Variants in MYOM2 observed in about 807,000 individuals in gnomAD.
MYOM2 encodes the protein myomesin 2.
MYOM2 carries 254 observed loss-of-function variants against 187.6 expected under a neutral mutation model. The observed-to-expected ratio is 1.35, with a 90% confidence interval of 1.22 to 1.50. MYOM2 has a LOEUF of 1.50. Among genes scored for constraint, MYOM2 ranks in the 40% most tolerant of loss-of-function variants. MYOM2 has a pLI of 0.00. For synonymous variants in MYOM2, 981 were observed against 753.8 expected (o/e 1.30, Z -4.94); for missense variants, 2,796 against 1,924.0 (o/e 1.45, Z -8.48).
intron 8 of MYOM2, among the ~76,000 whole-genome samples, chr8:2,071,141 CTTTATTTTTTTATT>C (rs1343509396): frequency 2.0e-5 from 3 of 151,380 alleles, no homozygotes; most frequent in Non-Finnish European, 4.4e-5. Flanking sequence ...CTCGTTTTTT[CTTTATTTTTTTATT>C]TTTATTTTTT....
chr8:2,093,779 C>T (rs757290761), intron 16 of MYOM2, among the ~76,000 whole-genome samples, 191 bp from the exon 17 acceptor site: 1 of 152,200 alleles, frequency 6.6e-6, no homozygotes, highest in Non-Finnish European at 1.5e-5. Context: ...GTAGTCAGCT[C>T]CTGCTATAAT....
In MYOM2 at chr8:2,102,723, A is replaced by G. The variant is rs148050154; in HGVS notation, c.2676A>G (p.Ala892=). The change falls in exon 21 of 37, where the codon GCA becomes GCG. Residue 892 remains alanine (A), a synonymous_variant. Transcript: ENST00000262113. ...TCTTCAGGGTCCGGGCAGTCAATGC[A>G]AATGGCGTGGGGAAGCCCTCAGACA... is the stretch of plus-strand genomic sequence containing the variant. ...TYVFRVRAVN[A]NGVGKPSDTS... 7 of 1,614,158 alleles carry G rather than the reference A, an allele frequency of 4.3e-6. No homozygotes were observed. The Middle Eastern group carries it at 4.9e-4, about 114-fold the overall frequency.
intron 6 of MYOM2, among the ~76,000 whole-genome samples, chr8:2,060,533 G>A (rs1271282612): frequency 6.6e-6 from 1 of 152,066 alleles, no homozygotes; most frequent in Non-Finnish European, 1.5e-5. Flanking sequence ...AAAAATAAGT[G>A]AGACATTGGA....
At chr8:2,092,945 C>G (rs973488996) in intron 16 of MYOM2, among the ~76,000 whole-genome samples, 4 of 152,134 alleles carry the variant, frequency 2.6e-5, no homozygotes, top group Non-Finnish European at 5.9e-5. Context: ...CCCCACCGGG[C>G]GCCGACTCTT....
intron 32 of MYOM2, among the ~76,000 whole-genome samples, chr8:2,134,577 G>GGGT (rs202125028): frequency 0.13 from 19,782 of 152,114 alleles, 2,175 homozygotes; most frequent in African/African-American, 0.28. Flanking sequence ...CTGAGGGGCT[G>GGGT]AAGTTCCCTT....
intron 24 of MYOM2, 68 bp downstream of exon 24, chr8:2,108,898 A>T (rs1796979133): frequency 6.7e-7 from 1 of 1,488,566 alleles, no homozygotes; most frequent in African/African-American, 1.4e-5. Context: ...TCATTAATGC[A>T]TGAGCTCTTG....
intron 30 of MYOM2, among the ~76,000 whole-genome samples, 176 bp from the exon 31 acceptor site, chr8:2,124,003 T>C (rs1358796227): frequency 1.3e-5 from 2 of 152,158 alleles, no homozygotes; most frequent in African/African-American, 4.8e-5. Flanking sequence ...TAAAAGTGAA[T>C]AGGTTAGAAG....
rs749149577 is a variant in MYOM2, at chr8:2,073,237, G to A, written c.959-102G>A. 1.7e-5 allele frequency: 22 copies of A among 1,316,330 alleles called. No individual in the cohort carries two copies. The South Asian group carries it at 2.1e-4, about 12-fold the overall frequency. The allele number at this position is 1,316,330 out of a possible 1,614,324, so 81.5% of individuals were successfully genotyped here. A position where few individuals can be genotyped will look rare whatever the true frequency, so the allele number is the denominator to read the frequency against. The stretch of plus-strand genomic sequence containing the variant: ...CTCTGCCTTCCGTGGTGTCCAGCTC[G>A]ACTGTCCTGTCCCGCTCTGAGACGA... On this transcript the variant is annotated intron_variant, in intron 9 of 36. Coordinates refer to ENST00000262113, the MANE Select transcript of MYOM2 (RefSeq NM_003970.4).
chr8:2,133,880 G>A (rs1387097155), intron 32 of MYOM2, among the ~76,000 whole-genome samples: 1 of 151,686 alleles, frequency 6.6e-6, no homozygotes, highest in East Asian at 1.9e-4. Flanking sequence ...ATCGTTCACT[G>A]TGAAATAATT....
chr8:2,115,531 G>C (rs1298839740), intron 25 of MYOM2, among the ~76,000 whole-genome samples: 1 of 152,248 alleles, frequency 6.6e-6, no homozygotes, highest in African/African-American at 2.4e-5. Context: ...TGTGGGTGCT[G>C]TGTCCCGGGA....
At chr8:2,105,487 G>T (rs1796859374) in intron 21 of MYOM2, among the ~76,000 whole-genome samples, 1 of 152,130 alleles carries the variant, frequency 6.6e-6, no homozygotes, top group African/African-American at 2.4e-5. Flanking sequence ...ACAAGGCAAG[G>T]CCCCATGGAG....
intron 13 of MYOM2, among the ~76,000 whole-genome samples, chr8:2,083,322 G>A (rs1288938854): frequency 6.6e-6 from 1 of 152,178 alleles, no homozygotes; most frequent in East Asian, 1.9e-4. Context: ...GTGTTTAGCA[G>A]TGTCTCACGT....
At chr8:2,127,683 C>CGCTG (rs1797700949) in intron 31 of MYOM2, 8 of 48,562 alleles carry the variant, frequency 1.6e-4, no homozygotes, top group East Asian at 1.2e-3. Context: ...GTGACGCAGC[C>CGCTG]GCAGGCAGGC....
intron 11 of MYOM2, among the ~76,000 whole-genome samples, chr8:2,077,488 C>G (rs776750257): frequency 6.6e-6 from 1 of 152,134 alleles, no homozygotes; most frequent in Non-Finnish European, 1.5e-5. Context: ...ATTAAATTCT[C>G]TTTTCTCTTC....
chr8:2,144,830 A>G lies in MYOM2; in HGVS notation c.4247A>G (p.Tyr1416Cys). 3 of 1,614,194 alleles carry G rather than the reference A, an allele frequency of 1.9e-6. No individual in the cohort carries two copies. The highest frequency in any genetic ancestry group is 2.5e-6 in the Non-Finnish European group (3 of 1,180,036). ...GTGACCTCCGAGGACTCGGGCAAGT[A>G]CAGCATCAACATCAAGAATAAGTAT... is the stretch of plus-strand genomic sequence containing the variant. ...KGVTSEDSGKYSINIKNKYGG... is the reference protein window; with the variant it reads ...KGVTSEDSGKCSINIKNKYGG... Residue 1416 changes from tyrosine to cysteine, a missense_variant, in exon 37 of 37, where the codon TAC becomes TGC. Tyr to Cys is a radical substitution (Grantham distance 194). Coordinates refer to ENST00000262113, the MANE Select transcript of MYOM2 (RefSeq NM_003970.4).
At chr8:2,112,003 C>T (rs1057331925) in intron 25 of MYOM2, among the ~76,000 whole-genome samples, 1 of 152,196 alleles carries the variant, frequency 6.6e-6, no homozygotes, top group East Asian at 1.9e-4. Context: ...ACTTTATTCA[C>T]ACGTAAACCC....
intron 31 of MYOM2, among the ~76,000 whole-genome samples, chr8:2,126,245 A>T (rs1480040998): frequency 6.6e-6 from 1 of 152,140 alleles, no homozygotes. Flanking sequence ...CAGGCCCAGA[A>T]CTTCCCATAT....
At chr8:2,111,661 C>G (rs529683235) in intron 25 of MYOM2, among the ~76,000 whole-genome samples, 1 of 152,318 alleles carries the variant, frequency 6.6e-6, no homozygotes, top group South Asian at 2.1e-4. Context: ...AATCTCAGGT[C>G]CCTCTCCTGC....
intron 36 of MYOM2, 34 bp downstream of exon 36, chr8:2,143,490 TCAGCA>T: frequency 6.2e-7 from 1 of 1,613,290 alleles, no homozygotes; most frequent in South Asian, 1.1e-5. Flanking sequence ...GGTGGGGGTG[TCAGCA>T]CGGTGCGATG....
Sources: allele counts gnomAD v4.1 joint callset (sites outside exome capture counted in the v4.1 genomes callset), GRCh38; gene constraint gnomAD v4.1.1; transcripts MANE v1.5; gene names NCBI Gene and HGNC (gene_info 2026-07-23, HGNC 2026-07-21).